Variants in RFC3 observed in about 807,000 individuals in gnomAD.
RFC3 encodes the protein replication factor C subunit 3.
A neutral mutation model predicts 45.1 loss-of-function variants in RFC3; 41 were observed. The observed-to-expected ratio is 0.91, with a 90% CI of 0.71 to 1.18. RFC3 has a LOEUF of 1.18. Among genes scored for constraint, RFC3 ranks in the 50% most tolerant of loss-of-function variants. The pLI is 0.00. For synonymous variants in RFC3, 149 were observed against 144.0 expected (o/e 1.03, Z -0.25); for missense variants, 423 against 428.1 (o/e 0.99, Z 0.10).
chr13:33,976,049 GA>G, the RFC3 span, among the ~76,000 whole-genome samples: 4 of 152,252 alleles, frequency 2.6e-5, no homozygotes, highest in Non-Finnish European at 5.9e-5. Flanking sequence ...TGTGCTGCAA[GA>G]AAATAAGAAA....
rs1593723385 is a variant in RFC3, at chr13:33,965,352, T to C, written c.880-735T>C. 3.9e-5 allele frequency among the ~76,000 whole-genome samples: 6 copies of C among 152,168 alleles called. No individual in the cohort carries two copies. In the East Asian group the frequency reaches 9.6e-4, roughly 24 times the overall value. ...TGTATTTTTATTGCACCTTTTTATG[T>C]TTAGATACACAAATACCATTGCCAA... On this transcript the variant is annotated intron_variant, in intron 8 of 8. Transcript: ENST00000434425.
At chr13:33,845,428 T>TA (rs1306566851) in intron 8 of RFC3, among the ~76,000 whole-genome samples, 3 of 152,228 alleles carry the variant, frequency 2.0e-5, no homozygotes, top group African/African-American at 4.8e-5. Context: ...CTCTTGAAGA[T>TA]ATTTTCTAGA....
At chr13:33,946,926 T>C (rs990439905) in intron 8 of RFC3, among the ~76,000 whole-genome samples, 2 of 152,232 alleles carry the variant, frequency 1.3e-5, no homozygotes, top group African/African-American at 4.8e-5. Context: ...ATCTTTTACA[T>C]GTTCATGATT....
At chr13:33,833,949 T>C (rs1325239149) in intron 7 of RFC3, among the ~76,000 whole-genome samples, 2 of 152,096 alleles carry the variant, frequency 1.3e-5, no homozygotes, top group Admixed American at 1.3e-4. Flanking sequence ...GTTAAATACT[T>C]TCACAGACAT....
Position 33,836,959 on chromosome 13 carries a change from A to G in RFC3, c.*664A>G, listed in dbSNP as rs2082160768. ...GTTCTGGAGAAAGGTATGTTACTGTAGTAATTACTCTTTGAACAGGTTTTG... is the reference window on the plus strand; with the variant it reads ...GTTCTGGAGAAAGGTATGTTACTGTGGTAATTACTCTTTGAACAGGTTTTG... On this transcript the variant is annotated 3_prime_UTR_variant, in exon 9 of 9. Coordinates refer to ENST00000380071, the MANE Select transcript of RFC3 (RefSeq NM_002915.4). 1 of 978,084 alleles carries G rather than the reference A, an allele frequency of 1.0e-6. No homozygotes were observed. Among genetic ancestry groups the G allele is most frequent in the Non-Finnish European group, 1.2e-6 (1 of 828,476 alleles). 60.6% of individuals were successfully genotyped at this position (978,084 alleles called of 1,614,324 possible).
intron 8 of RFC3, among the ~76,000 whole-genome samples, chr13:33,908,203 G>T (rs2082683019): frequency 6.6e-6 from 1 of 151,638 alleles, no homozygotes; most frequent in Admixed American, 6.6e-5. Flanking sequence ...ACATTAATCA[G>T]TTTGGCAGTT....
intron 8 of RFC3, among the ~76,000 whole-genome samples, chr13:33,961,354 G>T (rs557792924): frequency 6.6e-6 from 1 of 152,022 alleles, no homozygotes; most frequent in African/African-American, 2.4e-5. Flanking sequence ...TGTTACCCTG[G>T]GCCTATGTCT....
Position 33,818,166 on chromosome 13 carries a change from A to G in RFC3, c.-13A>G. On this transcript the variant is annotated 5_prime_UTR_variant, in exon 1 of 9. Transcript: ENST00000380071. ...GGATTTTCAAGCGTAGGCCCCCGGG[A>G]ACTCGAGCTGCCATGAGCCTCTGGG... 6.2e-7 allele frequency: 1 copy of G among 1,609,892 alleles called. No individual in the cohort carries two copies. The highest frequency in any genetic ancestry group is 8.5e-7 in the Non-Finnish European group (1 of 1,177,772).
At chr13:33,915,640 A>G (rs971179801) in intron 8 of RFC3, among the ~76,000 whole-genome samples, 17 of 152,088 alleles carry the variant, frequency 1.1e-4, no homozygotes, top group Non-Finnish European at 1.8e-4. Flanking sequence ...ATAGTTTCCC[A>G]GTCAGAATTG....
intron 8 of RFC3, among the ~76,000 whole-genome samples, chr13:33,858,135 G>C (rs1277368404): frequency 6.6e-6 from 1 of 152,142 alleles, no homozygotes; most frequent in African/African-American, 2.4e-5. Context: ...GCTGAGATGT[G>C]GACATTATTT....
chr13:33,882,158 T>C (rs1466025049), intron 8 of RFC3, among the ~76,000 whole-genome samples: 1 of 152,158 alleles, frequency 6.6e-6, no homozygotes, highest in Non-Finnish European at 1.5e-5. Context: ...TCCCCTGATG[T>C]TAGCATCTTA....
At chr13:33,975,563 T>A in the RFC3 span, among the ~76,000 whole-genome samples, 1 of 152,126 alleles carries the variant, frequency 6.6e-6, no homozygotes, top group Non-Finnish European at 1.5e-5. Flanking sequence ...GGTCTGGAAA[T>A]CCCAGGATTG....
chr13:33,944,756 G>T (rs961879508), intron 8 of RFC3, among the ~76,000 whole-genome samples: 1 of 151,958 alleles, frequency 6.6e-6, no homozygotes, highest in South Asian at 2.1e-4. Context: ...CCACCCACAC[G>T]CACACACTCA....
At chr13:33,973,894 G>A in the RFC3 span, among the ~76,000 whole-genome samples, 1 of 152,018 alleles carries the variant, frequency 6.6e-6, no homozygotes. Flanking sequence ...CAGGTGACCT[G>A]CAACCTCTCT....
intron 8 of RFC3, among the ~76,000 whole-genome samples, chr13:33,956,525 C>T (rs1042870911): frequency 6.6e-6 from 1 of 152,170 alleles, no homozygotes; most frequent in Non-Finnish European, 1.5e-5. Flanking sequence ...ATGTTCTAAC[C>T]TACAAATAAA....
intron 8 of RFC3, among the ~76,000 whole-genome samples, chr13:33,881,271 A>T (rs2082481838): frequency 6.6e-6 from 1 of 152,184 alleles, no homozygotes; most frequent in South Asian, 2.1e-4. Context: ...TCATGGGAAA[A>T]TAGGGGCTAA....
chr13:33,831,718 A>G (rs2082106424), intron 7 of RFC3, among the ~76,000 whole-genome samples: 1 of 152,308 alleles, frequency 6.6e-6, no homozygotes, highest in Admixed American at 6.5e-5. Flanking sequence ...TTTGTAATCA[A>G]TGATGCATCA....
intron 8 of RFC3, among the ~76,000 whole-genome samples, chr13:33,945,548 C>T (rs930099085): frequency 6.6e-6 from 1 of 152,186 alleles, no homozygotes; most frequent in Non-Finnish European, 1.5e-5. Flanking sequence ...AGGCTCTGTA[C>T]ATCTCTCTTC....
At chr13:33,847,038 A>C (rs922119446) in intron 8 of RFC3, 2 of 152,236 alleles carry the variant, frequency 1.3e-5, no homozygotes, top group African/African-American at 4.8e-5. Context: ...AGTAGCTGGG[A>C]TTACAGACAC....
Sources: allele counts gnomAD v4.1 joint callset (sites outside exome capture counted in the v4.1 genomes callset), GRCh38; gene constraint gnomAD v4.1.1; transcripts MANE v1.5; gene names NCBI Gene and HGNC (gene_info 2026-07-23, HGNC 2026-07-21).